The following SCFD2 variants were observed in gnomAD, a reference collection of about 807,000 sequenced individuals.
SCFD2 encodes sec1 family domain-containing protein 2.
Under a neutral mutation model 58.9 loss-of-function variants are expected in SCFD2, and 54 were observed. That is an observed-to-expected ratio of 0.92 (90% confidence interval 0.74 to 1.15). The LOEUF (loss-of-function observed/expected upper bound fraction) is 1.15, where lower values mean the gene tolerates loss of function less well. Among genes scored for constraint, SCFD2 ranks in the 50% most tolerant of loss-of-function variants. SCFD2 has a pLI of 0.00. For synonymous variants in SCFD2, 321 were observed against 335.9 expected (o/e 0.96, Z 0.49); for missense variants, 805 against 836.6 (o/e 0.96, Z 0.47).
chr4:52,949,225 T>G (rs919327359), intron 5 of SCFD2: 4 of 152,262 alleles, frequency 2.6e-5, no homozygotes, highest in African/African-American at 9.6e-5. Flanking sequence ...CTTTGTTCTA[T>G]AAACCTACAA....
chr4:53,302,932 C>T (rs930146985), intron 3 of SCFD2, among the ~76,000 whole-genome samples: 1 of 152,144 alleles, frequency 6.6e-6, no homozygotes, highest in African/African-American at 2.4e-5. Flanking sequence ...CTTCTTTACA[C>T]CTTACACAAA....
intron 6 of SCFD2, among the ~76,000 whole-genome samples, chr4:52,918,742 T>C (rs538548527): frequency 1.3e-5 from 2 of 152,332 alleles, no homozygotes; most frequent in African/African-American, 2.4e-5. Context: ...ATGACCTACA[T>C]GTCCCCTCAC....
At chr4:52,951,861 T>C (rs1176479948) in intron 5 of SCFD2, among the ~76,000 whole-genome samples, 1 of 152,150 alleles carries the variant, frequency 6.6e-6, no homozygotes, top group Non-Finnish European at 1.5e-5. Flanking sequence ...AGGTCTTAAT[T>C]GAATTAAGTC....
intron 5 of SCFD2, among the ~76,000 whole-genome samples, chr4:53,102,326 A>G (rs955294475): frequency 3.3e-5 from 5 of 152,266 alleles, no homozygotes; most frequent in Middle Eastern, 3.4e-3. Context: ...AAATTCCTCT[A>G]TAATTCCTCT....
At chr4:53,214,393 C>G (rs1025119720) in intron 4 of SCFD2, among the ~76,000 whole-genome samples, 2 of 152,126 alleles carry the variant, frequency 1.3e-5, no homozygotes, top group African/African-American at 4.8e-5. Context: ...ATTTGCATTT[C>G]TCTGATGGCC....
At chr4:53,289,433 C>G (rs1468712498) in intron 3 of SCFD2, among the ~76,000 whole-genome samples, 1 of 151,800 alleles carries the variant, frequency 6.6e-6, no homozygotes, top group Non-Finnish European at 1.5e-5. Context: ...TTTGTGTAAG[C>G]CTCAAGATAA....
rs112380126 is a variant in SCFD2 at position 52,996,004 on chromosome 4, C to T, written c.1562-75134G>A. 7.4e-3 allele frequency among the ~76,000 whole-genome samples: 1,120 copies of T among 152,320 alleles called. 21 individuals carry two copies. The highest frequency in any genetic ancestry group is 0.026 in the African/African-American group (1,074 of 41,564). ...AATGCCAGATCTATCCAGAGTGTCA[C>T]TCTCTGCCTATTCAACATTAAACAA... On this transcript the variant is annotated intron_variant, in intron 5 of 8. Coordinates refer to ENST00000401642, the MANE Select transcript of SCFD2 (RefSeq NM_152540.4).
rs142752761 is a variant in SCFD2, at chr4:53,080,400, T to C, written c.1561+64933A>G. ...ATAGGATATTTTGGTATAATTAGAATGGGTCATAGCAATAAAAAAACTATT... is the reference window on the plus strand; with the variant it reads ...ATAGGATATTTTGGTATAATTAGAACGGGTCATAGCAATAAAAAAACTATT... On this transcript the variant is annotated intron_variant, in intron 5 of 8. Coordinates refer to ENST00000401642, the MANE Select transcript of SCFD2 (RefSeq NM_152540.4). 3.9e-5 allele frequency among the ~76,000 whole-genome samples: 6 copies of C among 152,304 alleles called. No homozygotes were observed. In the East Asian group the frequency reaches 1.2e-3, roughly 29 times the overall value.
chr4:52,892,825 C>T lies in SCFD2; in HGVS notation c.1843-6959G>A, dbSNP rs73814898. Among the ~76,000 whole-genome samples, 1,491 of 152,244 alleles carry T rather than the reference C, an allele frequency of 9.8e-3. 7 individuals are homozygous for T. Among genetic ancestry groups the T allele is most frequent in the Middle Eastern group, 0.017 (5 of 294 alleles). On this transcript the variant is annotated intron_variant, in intron 7 of 8. Coordinates refer to ENST00000401642, the MANE Select transcript of SCFD2 (RefSeq NM_152540.4). ...GGTTTGTCTCTATATCTTCCTTAAC[C>T]GCAACAATGACTAGCATACAAAAGA...
intron 4 of SCFD2, among the ~76,000 whole-genome samples, chr4:53,218,321 C>T (rs537874424): frequency 6.6e-5 from 10 of 152,330 alleles, no homozygotes; most frequent in African/African-American, 2.4e-4. Flanking sequence ...TCCCATATTT[C>T]TTGGAAGCTG....
At chr4:53,267,260 G>C (rs1731017026) in intron 4 of SCFD2, among the ~76,000 whole-genome samples, 1 of 151,982 alleles carries the variant, frequency 6.6e-6, no homozygotes, top group Non-Finnish European at 1.5e-5. Context: ...AAAGCCCTTG[G>C]GGAAAAACGA....
intron 2 of SCFD2, among the ~76,000 whole-genome samples, chr4:53,335,129 A>G (rs11945292): frequency 0.71 from 106,518 of 149,362 alleles, 38,160 homozygotes; most frequent in Middle Eastern, 0.8. Flanking sequence ...CCAGGAGGCA[A>G]AGGTTGCCGT....
chr4:53,125,149 CA>C (rs1450109638), intron 5 of SCFD2, among the ~76,000 whole-genome samples: 2 of 152,084 alleles, frequency 1.3e-5, no homozygotes, highest in African/African-American at 4.8e-5. Flanking sequence ...ATAAGAAAGG[CA>C]GTGACATATG....
intron 5 of SCFD2, among the ~76,000 whole-genome samples, chr4:53,067,379 C>T (rs1279754871): frequency 6.6e-6 from 1 of 151,978 alleles, no homozygotes; most frequent in African/African-American, 2.4e-5. Flanking sequence ...GGGTCAAGAT[C>T]ACACCAAAAG....
chr4:52,952,657 GCAT>G (rs2109531910), intron 5 of SCFD2, among the ~76,000 whole-genome samples: 2 of 152,276 alleles, frequency 1.3e-5, no homozygotes, highest in South Asian at 4.1e-4. Flanking sequence ...GGTGACCCCA[GCAT>G]GGATTGCTGA....
At chr4:53,201,507 C>A (rs1018290117) in intron 4 of SCFD2, among the ~76,000 whole-genome samples, 1 of 152,124 alleles carries the variant, frequency 6.6e-6, no homozygotes, top group African/African-American at 2.4e-5. Context: ...GTCTTTATAG[C>A]AGCATGATTT....
intron 6 of SCFD2, among the ~76,000 whole-genome samples, chr4:52,908,249 C>T (rs895746348): frequency 6.6e-6 from 1 of 152,206 alleles, no homozygotes; most frequent in Non-Finnish European, 1.5e-5. Flanking sequence ...AAATGCCTTC[C>T]TTTTCTGTAA....
At chr4:53,237,691 G>A (rs1729689133) in intron 4 of SCFD2, among the ~76,000 whole-genome samples, 1 of 132,830 alleles carries the variant, frequency 7.5e-6, no homozygotes, top group Non-Finnish European at 1.7e-5. Flanking sequence ...CCGGGCAGAG[G>A]GGCTCCTCAC....
chr4:53,089,368 C>CA (rs374682456), intron 5 of SCFD2, among the ~76,000 whole-genome samples: 1,741 of 152,144 alleles, frequency 0.011, 18 homozygotes, highest in Middle Eastern at 0.034. Flanking sequence ...TCCTTTGAAG[C>CA]AAAAAGTTTC....
Sources: gnomAD v4.1 joint callset for allele counts (sites outside exome capture counted in the v4.1 genomes callset) on GRCh38, gnomAD v4.1.1 for gene constraint, MANE v1.5 for transcripts, NCBI Gene and HGNC (gene_info 2026-07-23, HGNC 2026-07-21) for gene names.